The following CNTN5 variants were observed in gnomAD, a reference collection of about 807,000 sequenced individuals.
CNTN5 encodes contactin 5.
In CNTN5, 77 loss-of-function variants were observed where a neutral mutation model predicts 129.1. The ratio of observed to expected loss-of-function variants is 0.60; its 90% CI spans 0.50 to 0.72. CNTN5 has a LOEUF of 0.72. Among genes scored for constraint, CNTN5 ranks in the 30% least tolerant of loss-of-function variants. The pLI, the probability that CNTN5 is intolerant of heterozygous loss-of-function variation, is 0.00. For synonymous variants in CNTN5, 509 were observed against 465.6 expected, an observed-to-expected ratio of 1.09 and a Z score of -1.20; for missense variants, 1,478 against 1,328.8, an observed-to-expected ratio of 1.11 and a Z score of -1.75.
intron 17 of CNTN5, among the ~76,000 whole-genome samples, chr11:100,266,094 T>G (rs1488922400): frequency 6.6e-6 from 1 of 152,122 alleles, no homozygotes; most frequent in Non-Finnish European, 1.5e-5. Context: ...TGGTATTTTA[T>G]TAATTAAATT....
At chr11:99,795,154 A>G (rs1382025138) in intron 3 of CNTN5, among the ~76,000 whole-genome samples, 1 of 152,026 alleles carries the variant, frequency 6.6e-6, no homozygotes, top group Non-Finnish European at 1.5e-5. Flanking sequence ...TTGTCTGACT[A>G]CATTCTGTTA....
chr11:100,197,682 C>T (rs948997380), intron 15 of CNTN5, among the ~76,000 whole-genome samples: 2 of 151,946 alleles, frequency 1.3e-5, no homozygotes, highest in Admixed American at 6.6e-5. Flanking sequence ...GACTTGAAGT[C>T]CTCTAATTAT....
At chr11:99,636,140 G>A (rs1951542863) in intron 3 of CNTN5, among the ~76,000 whole-genome samples, 1 of 151,854 alleles carries the variant, frequency 6.6e-6, no homozygotes, top group South Asian at 2.1e-4. Flanking sequence ...ATACCCATAT[G>A]CATATACCAA....
At chr11:99,614,281 T>A (rs1474119196) in intron 3 of CNTN5, among the ~76,000 whole-genome samples, 1 of 152,222 alleles carries the variant, frequency 6.6e-6, no homozygotes, top group Admixed American at 6.5e-5. Flanking sequence ...GTACATACAA[T>A]CATTTCTCAG....
At chr11:99,944,153 C>T (rs1334498627) in intron 7 of CNTN5, among the ~76,000 whole-genome samples, 1 of 151,066 alleles carries the variant, frequency 6.6e-6, no homozygotes, top group African/African-American at 2.4e-5. Flanking sequence ...TCATAATATT[C>T]ATCTCTGGGA....
intron 16 of CNTN5, among the ~76,000 whole-genome samples, chr11:100,246,991 T>C (rs1377724739): frequency 6.6e-6 from 1 of 152,178 alleles, no homozygotes. Flanking sequence ...AAGCCACCAC[T>C]AGTAAAACAG....
At chr11:99,462,671 C>A (rs1228940095) in intron 2 of CNTN5, among the ~76,000 whole-genome samples, 1 of 152,224 alleles carries the variant, frequency 6.6e-6, no homozygotes, top group African/African-American at 2.4e-5. Context: ...CTGAATACGC[C>A]CGCTCCCTTG....
chr11:100,115,386 C>A (rs928818795), intron 13 of CNTN5, among the ~76,000 whole-genome samples: 5 of 151,978 alleles, frequency 3.3e-5, no homozygotes, highest in African/African-American at 4.8e-5. Flanking sequence ...GACTATTATG[C>A]AAGGGCATCT....
chr11:99,563,272 G>A (rs571511219), intron 3 of CNTN5, among the ~76,000 whole-genome samples: 3 of 152,194 alleles, frequency 2.0e-5, no homozygotes, highest in East Asian at 3.9e-4. Flanking sequence ...CCAGCGTTAC[G>A]GCAGTGAGTT....
intron 3 of CNTN5, among the ~76,000 whole-genome samples, chr11:99,625,064 G>A (rs10893609): frequency 1.3e-5 from 2 of 152,070 alleles, no homozygotes; most frequent in Non-Finnish European, 2.9e-5. Flanking sequence ...TGGACACATG[G>A]CAGAAGAGTA....
intron 2 of CNTN5, among the ~76,000 whole-genome samples, chr11:99,527,453 T>C (rs1947528955): frequency 6.6e-6 from 1 of 152,148 alleles, no homozygotes; most frequent in Non-Finnish European, 1.5e-5. Flanking sequence ...TTTAAAATTA[T>C]AAAAATGTGT....
At chr11:99,047,469 T>C (rs922996716) in intron 1 of CNTN5, among the ~76,000 whole-genome samples, 3 of 151,552 alleles carry the variant, frequency 2.0e-5, no homozygotes, top group African/African-American at 7.3e-5. Context: ...AAAATATAAA[T>C]TGTAACTAAC....
At chr11:99,036,612 T>G (rs1863748003) in intron 1 of CNTN5, among the ~76,000 whole-genome samples, 1 of 152,066 alleles carries the variant, frequency 6.6e-6, no homozygotes, top group Non-Finnish European at 1.5e-5. Flanking sequence ...GCTAGGTCAT[T>G]GAGAAGGTAC....
rs146164019 is a variant in CNTN5, at chr11:99,593,746, C to T, written c.55+37477C>T. On this transcript the variant is annotated intron_variant, in intron 3 of 24. Transcript: ENST00000524871. Reference sequence around the variant, plus strand: ...CTATTCCTGTATTATTGTTTTCAACCTCTCCTTCTTCTGTGTTTACAGAGG... The same window carrying T: ...CTATTCCTGTATTATTGTTTTCAACTTCTCCTTCTTCTGTGTTTACAGAGG... Among the ~76,000 whole-genome samples, 385 of 152,240 alleles carry T rather than the reference C, an allele frequency of 2.5e-3. 2 individuals are homozygous for T. Among genetic ancestry groups the T allele is most frequent in the African/African-American group, 8.2e-3 (339 of 41,532 alleles).
At chr11:99,929,217 A>G (rs1370414808) in intron 7 of CNTN5, among the ~76,000 whole-genome samples, 4 of 152,206 alleles carry the variant, frequency 2.6e-5, no homozygotes, top group Admixed American at 6.5e-5. Flanking sequence ...AAAGCCATTC[A>G]ACAAGTATCT....
intron 13 of CNTN5, among the ~76,000 whole-genome samples, chr11:100,082,621 A>T (rs1944407765): frequency 6.6e-6 from 1 of 152,054 alleles, no homozygotes; most frequent in Admixed American, 6.6e-5. Flanking sequence ...TACATTTTTG[A>T]TGAGTACTTA....
At chr11:99,340,149 A>C (rs1866441267) in intron 2 of CNTN5, among the ~76,000 whole-genome samples, 1 of 152,192 alleles carries the variant, frequency 6.6e-6, no homozygotes, top group Non-Finnish European at 1.5e-5. Context: ...GACAACTAGA[A>C]ACAAGATTCT....
intron 3 of CNTN5, among the ~76,000 whole-genome samples, chr11:99,641,931 G>A (rs555370052): frequency 4.6e-5 from 7 of 152,278 alleles, no homozygotes; most frequent in African/African-American, 1.7e-4. Flanking sequence ...TGGTTCAGTT[G>A]AGGGTTGCCA....
intron 1 of CNTN5, among the ~76,000 whole-genome samples, chr11:99,159,377 C>T (rs1454425370): frequency 4.6e-5 from 7 of 152,122 alleles, no homozygotes; most frequent in Admixed American, 1.3e-4. Context: ...AGTCCCAGCA[C>T]TTTGGGAGGC....
Sources: allele counts gnomAD v4.1 joint callset (sites outside exome capture counted in the v4.1 genomes callset), GRCh38; gene constraint gnomAD v4.1.1; transcripts MANE v1.5; gene names NCBI Gene and HGNC (gene_info 2026-07-23, HGNC 2026-07-21).